AGBL1: variants seen among roughly 807,000 people sequenced by gnomAD.
AGBL1 encodes AGBL carboxypeptidase 1, also known as cytosolic carboxypeptidase 4.
Under a neutral mutation model 118.9 loss-of-function variants are expected in AGBL1, and 130 were observed. That is an observed-to-expected ratio of 1.09 (90% CI 0.95 to 1.26). AGBL1 has a LOEUF of 1.26. AGBL1 is among the 50% of genes most tolerant of loss of function. The probability of loss-of-function intolerance (pLI) is 0.00; values close to 1 mark genes in which losing one functional copy is unlikely to be tolerated. For synonymous variants in AGBL1, 555 were observed against 478.9 expected, an observed-to-expected ratio of 1.16 and a Z score of -2.08; for missense variants, 1,584 against 1,298.1, an observed-to-expected ratio of 1.22 and a Z score of -3.38.
chr15:86,787,546 T>G (rs986659699), intron 22 of AGBL1, among the ~76,000 whole-genome samples: 2 of 152,216 alleles, frequency 1.3e-5, no homozygotes, highest in African/African-American at 4.8e-5. Context: ...CTAGCTTTTT[T>G]CCCTTAGCAT....
At chr15:86,144,028 A>G (rs2077000056) in intron 3 of AGBL1, among the ~76,000 whole-genome samples, 183 bp downstream of exon 3, 1 of 152,220 alleles carries the variant, frequency 6.6e-6, no homozygotes, top group African/African-American at 2.4e-5. Flanking sequence ...CTTTGATGTC[A>G]GCTCATCCAA....
intron 1 of AGBL1, among the ~76,000 whole-genome samples, chr15:86,098,975 C>T (rs184327023): frequency 6.6e-6 from 1 of 152,144 alleles, no homozygotes; most frequent in East Asian, 1.9e-4. Flanking sequence ...TTAGTGTCCT[C>T]CTCAATTTCC....
chr15:86,683,638 G>T (rs2086001796), intron 22 of AGBL1, among the ~76,000 whole-genome samples: 1 of 152,104 alleles, frequency 6.6e-6, no homozygotes, highest in Non-Finnish European at 1.5e-5. Flanking sequence ...CAGGTCTCTT[G>T]CCTATGAAAC....
intron 22 of AGBL1, among the ~76,000 whole-genome samples, chr15:86,807,462 A>C (rs2078733223): frequency 6.6e-6 from 1 of 152,116 alleles, no homozygotes; most frequent in African/African-American, 2.4e-5. Context: ...TAGCGCAAGG[A>C]AGACGAGACA....
At chr15:86,824,161 G>A (rs1218785329) in intron 22 of AGBL1, among the ~76,000 whole-genome samples, 60 of 151,954 alleles carry the variant, frequency 3.9e-4, no homozygotes, top group Admixed American at 3.9e-3. Flanking sequence ...ACATAAGATT[G>A]TCTATGTAAA....
At chr15:86,319,382 T>A (rs2080068264) in intron 17 of AGBL1, among the ~76,000 whole-genome samples, 1 of 152,160 alleles carries the variant, frequency 6.6e-6, no homozygotes, top group Non-Finnish European at 1.5e-5. Context: ...GTAGTTTTAA[T>A]TGGCATTTTT....
chr15:86,670,333 G>A (rs2085718767), intron 21 of AGBL1, among the ~76,000 whole-genome samples: 1 of 152,028 alleles, frequency 6.6e-6, no homozygotes, highest in South Asian at 2.1e-4. Context: ...GCCGGGTGCG[G>A]TGGCTCATTC....
chr15:86,281,557 T>C (rs2079355567), intron 16 of AGBL1, among the ~76,000 whole-genome samples: 1 of 152,172 alleles, frequency 6.6e-6, no homozygotes, highest in Non-Finnish European at 1.5e-5. Context: ...AGGTTCCTGG[T>C]GGCCATTCAT....
intron 24 of AGBL1, among the ~76,000 whole-genome samples, chr15:87,012,055 T>C (rs947061703): frequency 2.0e-5 from 3 of 152,154 alleles, no homozygotes; most frequent in Non-Finnish European, 1.5e-5. Context: ...GAGGCTACTA[T>C]GTCCAATTTT....
At chr15:86,492,585 A>G (rs373872010) in intron 18 of AGBL1, among the ~76,000 whole-genome samples, 159 of 133,790 alleles carry the variant, frequency 1.2e-3, no homozygotes, top group African/African-American at 4.0e-3. Context: ...GCGAGACTCT[A>G]TCAAAAAAAA....
At position 86,426,486 on chromosome 15, in the gene AGBL1, G is replaced by C. The variant is rs141415527; in HGVS notation, c.2555+28940G>C. On this transcript the variant is annotated intron_variant, in intron 18 of 22. Coordinates refer to ENST00000614907, the MANE Select transcript of AGBL1 (RefSeq NM_001386094.1). ...GGTTCATTCACACAGGGACAATGCT[G>C]TCTAAATACCTTTGGTCCTAACTAC... Among the ~76,000 whole-genome samples the C allele has an allele frequency of 3.2e-3, 483 of 152,278 alleles. 1 individual carries two copies. Among genetic ancestry groups the C allele is most frequent in the African/African-American group, 0.011 (456 of 41,552 alleles).
chr15:86,905,308 C>T (rs1197364563), intron 22 of AGBL1, among the ~76,000 whole-genome samples: 1 of 152,176 alleles, frequency 6.6e-6, no homozygotes, highest in Non-Finnish European at 1.5e-5. Flanking sequence ...TGTTGTGTCC[C>T]ACTGGACCCT....
chr15:86,294,946 C>T (rs1282561513), intron 16 of AGBL1, among the ~76,000 whole-genome samples: 2 of 152,150 alleles, frequency 1.3e-5, no homozygotes, highest in Admixed American at 6.5e-5. Context: ...TCTGTGATTT[C>T]CTCGTATGTC....
At chr15:86,794,983 A>G (rs903648685) in intron 22 of AGBL1, among the ~76,000 whole-genome samples, 1 of 152,150 alleles carries the variant, frequency 6.6e-6, no homozygotes. Flanking sequence ...TGTCAAAAGC[A>G]AGAAAATTGC....
intron 17 of AGBL1, among the ~76,000 whole-genome samples, chr15:86,377,661 A>G (rs1290745736): frequency 1.3e-5 from 2 of 152,164 alleles, no homozygotes; most frequent in Non-Finnish European, 2.9e-5. Context: ...TTCCTAGTAC[A>G]TTAATCTAAG....
chr15:86,386,678 T>G (rs1403038231), intron 17 of AGBL1, among the ~76,000 whole-genome samples: 1 of 152,058 alleles, frequency 6.6e-6, no homozygotes, highest in East Asian at 1.9e-4. Flanking sequence ...ACTCCTCCTC[T>G]TTCAATCCCC....
intron 17 of AGBL1, among the ~76,000 whole-genome samples, chr15:86,327,646 G>A (rs559893999): frequency 3.3e-5 from 5 of 152,220 alleles, no homozygotes; most frequent in African/African-American, 7.2e-5. Context: ...TTCTATACAC[G>A]AACCATTGTG....
chr15:86,236,942 C>CGGGGGGG (rs1261702473), intron 6 of AGBL1, among the ~76,000 whole-genome samples: 15 of 43,004 alleles, frequency 3.5e-4, no homozygotes, highest in African/African-American at 8.5e-4. Flanking sequence ...CGGGGGGGGG[C>CGGGGGGG]GGGGGGGGGC....
chr15:86,262,155 C>G (rs2079001379), intron 9 of AGBL1, among the ~76,000 whole-genome samples: 1 of 139,348 alleles, frequency 7.2e-6, no homozygotes, highest in African/African-American at 2.7e-5. Context: ...TCTCCTAATC[C>G]AAACAGCCTC....
Sources: allele counts gnomAD v4.1 joint callset (sites outside exome capture counted in the v4.1 genomes callset), GRCh38; gene constraint gnomAD v4.1.1; transcripts MANE v1.5; gene names NCBI Gene and HGNC (gene_info 2026-07-23, HGNC 2026-07-21).